Variants in TARS3 observed in about 807,000 individuals in gnomAD.
TARS3 encodes the protein threonyl-tRNA synthetase 3.
Under a neutral mutation model 103.5 loss-of-function variants are expected in TARS3, and 94 were observed. That is an observed-to-expected ratio of 0.91 (90% CI 0.77 to 1.08). TARS3 has a LOEUF of 1.08. Ranked by LOEUF, TARS3 falls within the 50% of genes least tolerant of loss-of-function variation. The probability of loss-of-function intolerance (pLI) is 0.00; values close to 1 mark genes in which losing one functional copy is unlikely to be tolerated. For synonymous variants in TARS3, 416 were observed against 355.4 expected (o/e 1.17, Z -1.92); for missense variants, 952 against 995.2 (o/e 0.96, Z 0.58).
chr15:101,720,068 C>A (rs1035219824), intron 3 of TARS3, among the ~76,000 whole-genome samples: 1 of 152,182 alleles, frequency 6.6e-6, no homozygotes, highest in African/African-American at 2.4e-5. Context: ...CTTATTCTTG[C>A]CTCAAAACCT....
At chr15:101,655,342 C>G (rs1167718870) in intron 18 of TARS3, among the ~76,000 whole-genome samples, 1 of 140,522 alleles carries the variant, frequency 7.1e-6, no homozygotes, top group Non-Finnish European at 1.5e-5. Context: ...ACACTGACCC[C>G]ACCTGGCACT....
At chr15:101,710,085 C>G (rs62027623) in intron 5 of TARS3, among the ~76,000 whole-genome samples, 18,940 of 152,222 alleles carry the variant, frequency 0.12, 1,460 homozygotes, top group Admixed American at 0.17. Flanking sequence ...GGGTTATCAC[C>G]AAAGGTCAAT....
At chr15:101,665,064 C>A (rs777124415) in intron 15 of TARS3, among the ~76,000 whole-genome samples, 1 of 152,100 alleles carries the variant, frequency 6.6e-6, no homozygotes, top group Non-Finnish European at 1.5e-5. Context: ...GAGAGATATA[C>A]AAAGAAAGAC....
At chr15:101,656,421 C>T (rs1345809071) in intron 18 of TARS3, among the ~76,000 whole-genome samples, 1 of 152,220 alleles carries the variant, frequency 6.6e-6, no homozygotes, top group African/African-American at 2.4e-5. Flanking sequence ...ATTTTGGAAT[C>T]ATTTTTAAAG....
intron 18 of TARS3, 34 bp from the exon 19 acceptor site, chr15:101,654,764 A>C (rs879939586): frequency 1.9e-6 from 3 of 1,599,438 alleles, no homozygotes; most frequent in Non-Finnish European, 2.6e-6. Flanking sequence ...ATGTATTTTA[A>C]ATCAGCAATT....
At chr15:101,663,163 G>A (rs1897446747) in intron 15 of TARS3, among the ~76,000 whole-genome samples, 1 of 152,104 alleles carries the variant, frequency 6.6e-6, no homozygotes, top group Non-Finnish European at 1.5e-5. Flanking sequence ...TATGATGGTG[G>A]TCCCACGAGA....
rs1165331257 is a variant in TARS3 at position 101,653,998 on chromosome 15, G to C, written c.*584C>G. 6.6e-6 allele frequency: 1 copy of C among 152,210 alleles called. No individual in the cohort carries two copies. Among genetic ancestry groups the C allele is most frequent in the Non-Finnish European group, 1.5e-5 (1 of 68,050 alleles). The allele number at this position is 152,210 out of a possible 1,614,324, so 9.4% of individuals were successfully genotyped here. ...CGGAACAAAACCTAATTATGAATAA[G>C]AAACATTTAAATGGCAACTCTTAAC... On this transcript the variant is annotated 3_prime_UTR_variant, in exon 19 of 19. Coordinates refer to ENST00000335968, the MANE Select transcript of TARS3 (RefSeq NM_152334.3).
At position 101,661,776 on chromosome 15, in the gene TARS3, G is replaced by C. The variant is rs752398201; in HGVS notation, c.2008C>G (p.Arg670Gly). 1 of 1,607,174 alleles carries C rather than the reference G, an allele frequency of 6.2e-7. No homozygotes were observed. The highest frequency in any genetic ancestry group is 8.5e-7 in the Non-Finnish European group (1 of 1,176,496). Residue 670 changes from arginine to glycine, a missense_variant, in exon 16 of 19, where the codon CGA becomes GGA. Arg to Gly is a moderately radical substitution (Grantham distance 125, BLOSUM62 -2). This residue lies in a region of TARS3 where 540 missense variants were observed against 631.0 expected (regional missense o/e 0.86). Transcript: ENST00000335968. ...DDKKRPVIIH[R>G]AILGSVERMI... ...CTTTCCACTGATCCCAAAATGGCTC[G>C]ATGAATGATCACAGGTCTCTTCTTA...
At chr15:101,671,453 G>A (rs747754052) in intron 15 of TARS3, 33 bp downstream of exon 15, 1 of 1,471,500 alleles carries the variant, frequency 6.8e-7, no homozygotes, top group African/African-American at 1.4e-5. Flanking sequence ...TAGAATATTA[G>A]TACTATAATA....
In TARS3 at chr15:101,656,018, G is replaced by A. The variant is rs1475823904; in HGVS notation, c.2260+904C>T. 10 of 1,289,104 alleles carry A rather than the reference G, an allele frequency of 7.8e-6. No homozygotes were observed. The East Asian group carries it at 2.2e-4, about 29-fold the overall frequency. 79.9% of individuals were successfully genotyped at this position (1,289,104 alleles called of 1,614,324 possible). ...TCTTGCCACACAGAAGGAAGAAACC[G>A]GTCTGCAGATAAGTGGAATAAGGTA... On this transcript the variant is annotated intron_variant, in intron 18 of 18. Transcript: ENST00000335968.
chr15:101,713,092 T>C (rs1049449635), intron 4 of TARS3, among the ~76,000 whole-genome samples: 3 of 152,164 alleles, frequency 2.0e-5, no homozygotes, highest in Non-Finnish European at 4.4e-5. Flanking sequence ...GAAACAGACA[T>C]AGTCACAGCC....
At chr15:101,673,048 C>A (rs1226067940) in intron 13 of TARS3, among the ~76,000 whole-genome samples, 2 of 152,182 alleles carry the variant, frequency 1.3e-5, no homozygotes, top group South Asian at 2.1e-4. Context: ...GAGAGAGCAT[C>A]GGATACATGA....
rs952549380 is a variant in TARS3 at position 101,661,895 on chromosome 15, A to C, written c.1968-79T>G. ...TTCTAGCCTTATATTTAATTTTGAG[A>C]ATAGATTTAGATTAGTGATATCAGA... On this transcript the variant is annotated intron_variant, in intron 15 of 18. Coordinates refer to ENST00000335968, the MANE Select transcript of TARS3 (RefSeq NM_152334.3). 6.8e-6 allele frequency: 6 copies of C among 888,778 alleles called. No homozygotes were observed. The Admixed American group carries it at 1.5e-4, about 22-fold the overall frequency. The allele number at this position is 888,778 out of a possible 1,614,324, so 55.1% of individuals were successfully genotyped here.
chr15:101,723,893 G>A (rs1315330842), intron 1 of TARS3, among the ~76,000 whole-genome samples, 198 bp downstream of exon 1: 1 of 152,270 alleles, frequency 6.6e-6, no homozygotes, highest in African/African-American at 2.4e-5. Flanking sequence ...GGTTAAGTCT[G>A]GCGACTGCTG....
At chr15:101,712,635 T>C (rs8040142) in intron 4 of TARS3, among the ~76,000 whole-genome samples, 20,009 of 152,146 alleles carry the variant, frequency 0.13, 1,579 homozygotes, top group Admixed American at 0.18. Flanking sequence ...CAGAGCCCGG[T>C]TGTCAGTCCT....
At chr15:101,667,270 T>C (rs898568567) in intron 15 of TARS3, among the ~76,000 whole-genome samples, 2 of 152,226 alleles carry the variant, frequency 1.3e-5, no homozygotes, top group Non-Finnish European at 2.9e-5. Flanking sequence ...TCGTAAGGGT[T>C]CTAAGATTTT....
At chr15:101,668,250 C>T (rs1307298919) in intron 15 of TARS3, among the ~76,000 whole-genome samples, 1 of 152,110 alleles carries the variant, frequency 6.6e-6, no homozygotes, top group East Asian at 1.9e-4. Context: ...AGACTTATGA[C>T]TCTTCTTTAA....
intron 10 of TARS3, among the ~76,000 whole-genome samples, chr15:101,691,927 A>C (rs1326645341): frequency 6.6e-6 from 1 of 150,482 alleles, no homozygotes; most frequent in African/African-American, 2.5e-5. Context: ...CCTGGTTCTC[A>C]GGCCTCTGCA....
At chr15:101,700,949 C>T (rs1350756432) in intron 10 of TARS3, 137 bp downstream of exon 10, 2 of 596,450 alleles carry the variant, frequency 3.4e-6, no homozygotes, top group African/African-American at 1.9e-5. Context: ...GCCAGTATCT[C>T]ACTTTTAACC....
Sources: gnomAD v4.1 joint callset for allele counts (sites outside exome capture counted in the v4.1 genomes callset) on GRCh38, gnomAD v4.1.1 for gene constraint, gnomAD v4.1.1 regional missense constraint, MANE v1.5 for transcripts, NCBI Gene and HGNC (gene_info 2026-07-23, HGNC 2026-07-21) for gene names.